Variants in TSPAN4 observed in about 807,000 individuals in gnomAD.
TSPAN4 encodes tetraspanin 4.
Under a neutral mutation model 31.5 loss-of-function variants are expected in TSPAN4, and 38 were observed. The observed-to-expected ratio is 1.21, with a 90% CI of 0.93 to 1.58. TSPAN4 has a LOEUF of 1.58. Ranked by LOEUF, TSPAN4 falls within the 40% of genes most tolerant of loss-of-function variation. TSPAN4 has a pLI of 0.00. For synonymous variants in TSPAN4, 186 were observed against 144.6 expected (o/e 1.29, Z -2.06); for missense variants, 330 against 317.3 (o/e 1.04, Z -0.30).
intron 3 of TSPAN4, among the ~76,000 whole-genome samples, chr11:856,447 C>T (rs533766373): frequency 5.3e-5 from 8 of 152,320 alleles, no homozygotes; most frequent in South Asian, 4.1e-4. Flanking sequence ...AGGTCTGGGA[C>T]GGAGCCCCTC....
chr11:848,988 G>C lies in TSPAN4; in HGVS notation c.-17-1300G>C, dbSNP rs1847472806. ...GGGGTCTTTTACAGGCTGACTTCCA[G>C]CCTGGGCTGGAGCAAAATGAAATTC... On this transcript the variant is annotated intron_variant, in intron 2 of 8. Coordinates refer to ENST00000397397, the MANE Select transcript of TSPAN4 (RefSeq NM_003271.5). This position sits in a 1 kb window ranked among gnomAD's most constrained non-coding sequence, Gnocchi z 5.7. The C allele has an allele frequency of 2.4e-5, 15 of 630,990 alleles. No homozygotes were observed. The highest frequency in any genetic ancestry group is 2.3e-4 in the South Asian group (13 of 56,902). The allele number at this position is 630,990 out of a possible 1,614,324, so 39.1% of individuals were successfully genotyped here. A position where few individuals can be genotyped will look rare whatever the true frequency, so the allele number is the denominator to read the frequency against.
intron 8 of TSPAN4, 114 bp downstream of exon 8, chr11:866,115 G>C: frequency 4.2e-6 from 5 of 1,192,888 alleles, no homozygotes; most frequent in Non-Finnish European, 5.9e-6. Context: ...GGGGAGGCCG[G>C]GGCAAAAGCA....
intron 3 of TSPAN4, among the ~76,000 whole-genome samples, chr11:860,361 TC>T (rs1848389801): frequency 6.6e-6 from 1 of 152,142 alleles, no homozygotes; most frequent in Non-Finnish European, 1.5e-5. Context: ...GTGTCCCATC[TC>T]CCCAGCACAG....
In TSPAN4 at chr11:862,404, C is replaced by T. The variant is rs574853569; in HGVS notation, c.64-146C>T. 8.9e-4 allele frequency: 629 copies of T among 705,300 alleles called. 8 individuals are homozygous for T. In the East Asian group the frequency reaches 0.013, roughly 15 times the overall value. 43.7% of individuals were successfully genotyped at this position (705,300 alleles called of 1,614,324 possible). A position where few individuals can be genotyped will look rare whatever the true frequency, so the allele number is the denominator to read the frequency against. ...TGCCCTGGACACCCCCCCGGGCTGC[C>T]GTGGGATCTAGCAGGACTCTGGGTG... On this transcript the variant is annotated intron_variant, in intron 3 of 8. Transcript: ENST00000397397.
intron 3 of TSPAN4, among the ~76,000 whole-genome samples, chr11:852,821 G>T (rs929166445): frequency 4.7e-5 from 7 of 149,964 alleles, no homozygotes; most frequent in South Asian, 2.1e-4. Flanking sequence ...GTCTTCTCAG[G>T]GGCGAAGTTC....
intron 5 of TSPAN4, 165 bp from the exon 6 acceptor site, chr11:865,348 T>C: frequency 1.6e-6 from 1 of 616,804 alleles, no homozygotes. Context: ...TCAGGGCTGC[T>C]GGGAGGACAT....
intron 3 of TSPAN4, among the ~76,000 whole-genome samples, chr11:860,527 TCATGGGCCCTC>T (rs1399084019): frequency 6.6e-6 from 1 of 152,152 alleles, no homozygotes; most frequent in Non-Finnish European, 1.5e-5. Flanking sequence ...GTGTTGGGGC[TCATGGGCCCTC>T]CGTGGGCCCT....
At chr11:854,332 G>A (rs994976649) in intron 3 of TSPAN4, among the ~76,000 whole-genome samples, 50 of 152,204 alleles carry the variant, frequency 3.3e-4, no homozygotes, top group Non-Finnish European at 5.6e-4. Context: ...CCGGGTGGGG[G>A]TTGGAGTCCC....
At chr11:860,908 G>A (rs896503652) in intron 3 of TSPAN4, among the ~76,000 whole-genome samples, 5 of 152,120 alleles carry the variant, frequency 3.3e-5, no homozygotes, top group Admixed American at 6.5e-5. Flanking sequence ...GTCAACCGTC[G>A]GCACCCCAGG....
chr11:846,315 G>A (rs2133983911), intron 1 of TSPAN4, among the ~76,000 whole-genome samples: 1 of 152,350 alleles, frequency 6.6e-6, no homozygotes, highest in South Asian at 2.1e-4. Context: ...ACCTCCGTCT[G>A]GCCTTGTGGG....
intron 4 of TSPAN4, chr11:863,547 G>A (rs1168396140): frequency 6.6e-6 from 1 of 152,334 alleles, no homozygotes; most frequent in African/African-American, 2.4e-5. Context: ...GAGGCAGTCG[G>A]TGGGGGTCTG....
chr11:862,048 C>T (rs540292523), intron 3 of TSPAN4, among the ~76,000 whole-genome samples: 4 of 152,360 alleles, frequency 2.6e-5, no homozygotes, highest in African/African-American at 7.2e-5. Context: ...AGCTGGGAAT[C>T]GGAATCCTGG....
intron 3 of TSPAN4, among the ~76,000 whole-genome samples, chr11:861,728 A>G (rs1428048685): frequency 6.6e-6 from 1 of 151,062 alleles, no homozygotes; most frequent in Non-Finnish European, 1.5e-5. Flanking sequence ...AAAACAAAAA[A>G]GACTATTGTG....
intron 3 of TSPAN4, among the ~76,000 whole-genome samples, chr11:861,611 C>A (rs1224945043): frequency 6.6e-6 from 1 of 152,154 alleles, no homozygotes; most frequent in Non-Finnish European, 1.5e-5. Flanking sequence ...ACTCGGGAGG[C>A]TGAGGCAGGA....
At chr11:850,128 A>G in intron 2 of TSPAN4, 160 bp from the exon 3 acceptor site, 1 of 531,638 alleles carries the variant, frequency 1.9e-6, no homozygotes, top group Non-Finnish European at 3.3e-6. Context: ...CCGGCGCTAC[A>G]GCAGCCTATA....
In TSPAN4 at chr11:863,974, T is replaced by C. The variant is rs187970353; in HGVS notation, c.256-463T>C. The C allele has an allele frequency of 2.5e-3, 474 of 187,298 alleles. 8 individuals are homozygous for C. The South Asian group carries it at 0.026, about 10-fold the overall frequency. The allele number at this position is 187,298 out of a possible 1,614,324, so 11.6% of individuals were successfully genotyped here. A position where few individuals can be genotyped will look rare whatever the true frequency, so the allele number is the denominator to read the frequency against. On this transcript the variant is annotated intron_variant, in intron 4 of 8. Coordinates refer to ENST00000397397, the MANE Select transcript of TSPAN4 (RefSeq NM_003271.5). ...GCTGGCTGCCCTGAGGACTGTGACG[T>C]GTGGGCAGAAGGGGCCTCTGCAGCC...
In TSPAN4 at chr11:865,998, G is replaced by A. The variant is rs1170760540; in HGVS notation, c.645G>A (p.Val215=). Residue 215 remains valine, a synonymous_variant, in exon 8 of 9, where the codon GTG becomes GTA. Transcript: ENST00000397397. The stretch of plus-strand genomic sequence containing the variant: ...TCTTTGGGCTGTGCACGGCGCTGGT[G>A]CAGGTATGGCCTGGGGGCCTGCGGG... The part of the protein sequence containing the change: ...VGIFGLCTAL[V]QILGLTFAMT... 5.0e-6 allele frequency: 8 copies of A among 1,611,804 alleles called. No individual in the cohort carries two copies. The highest frequency in any genetic ancestry group is 1.1e-5 in the South Asian group (1 of 90,996).
At chr11:864,183 G>C (rs1848634444) in intron 4 of TSPAN4, 1 of 574,160 alleles carries the variant, frequency 1.7e-6, no homozygotes, top group African/African-American at 1.9e-5. Flanking sequence ...ATGGGGGCAG[G>C]GGAGGGGAGC....
At chr11:860,884 C>T (rs905800936) in intron 3 of TSPAN4, among the ~76,000 whole-genome samples, 2 of 152,150 alleles carry the variant, frequency 1.3e-5, no homozygotes, top group Non-Finnish European at 2.9e-5. Flanking sequence ...CTGCGCGGCC[C>T]TTCCCCAGAA....
Sources: allele counts gnomAD v4.1 joint callset (sites outside exome capture counted in the v4.1 genomes callset), GRCh38; gene constraint gnomAD v4.1.1; non-coding constraint Gnocchi (gnomAD v3.1); transcripts MANE v1.5; gene names NCBI Gene and HGNC (gene_info 2026-07-23, HGNC 2026-07-21).